DOCK11: variants seen among roughly 807,000 people sequenced by gnomAD.
DOCK11 encodes dedicator of cytokinesis 11, also known as dedicator of cytokinesis protein 11.
A neutral mutation model predicts 169.1 loss-of-function variants in DOCK11; 70 were observed. The ratio of observed to expected loss-of-function variants is 0.41; its 90% CI spans 0.34 to 0.51. DOCK11 has a LOEUF of 0.51. Among genes scored for constraint, DOCK11 ranks in the 20% least tolerant of loss-of-function variants. The probability of loss-of-function intolerance (pLI) is 0.10; values close to 1 mark genes in which losing one functional copy is unlikely to be tolerated. For missense variants in DOCK11, 1,166 were observed against 1,538.8 expected (o/e 0.76, Z 4.05); for synonymous variants, 529 against 541.3 (o/e 0.98, Z 0.32).
chrX:118,667,943 A>G (rs2016376688), intron 45 of DOCK11, among the ~76,000 whole-genome samples: 1 of 112,264 alleles, frequency 8.9e-6, no homozygotes, highest in African/African-American at 3.2e-5. Flanking sequence ...TGTTGCTAGT[A>G]TATAGAAATA....
chrX:118,676,810 C>G, intron 48 of DOCK11, 73 bp downstream of exon 48: 2 of 938,298 alleles, frequency 2.1e-6, no homozygotes, highest in African/African-American at 3.9e-5. Flanking sequence ...TGACTTTTTC[C>G]TTTTTTAACT....
intron 31 of DOCK11, among the ~76,000 whole-genome samples, chrX:118,619,775 C>T (rs1274926884): frequency 9.2e-6 from 1 of 108,625 alleles, no homozygotes; most frequent in Non-Finnish European, 1.9e-5. Flanking sequence ...CTATGAGTAA[C>T]GGTCACAGCT....
intron 6 of DOCK11, among the ~76,000 whole-genome samples, chrX:118,553,974 C>G (rs963940081): frequency 9.9e-5 from 11 of 111,672 alleles, no homozygotes; most frequent in Non-Finnish European, 2.1e-4. Context: ...TATTGGGTAT[C>G]AACAAATTCA....
intron 6 of DOCK11, among the ~76,000 whole-genome samples, chrX:118,554,192 TTAA>T (rs1373970532): frequency 3.6e-5 from 4 of 111,426 alleles, no homozygotes; most frequent in African/African-American, 1.3e-4. Context: ...GAATGCCTTG[TTAA>T]TACAAGGTAT....
chrX:118,617,257 C>T (rs1164416846), intron 30 of DOCK11, among the ~76,000 whole-genome samples: 6 of 110,818 alleles, frequency 5.4e-5, no homozygotes, highest in Admixed American at 3.9e-4. Flanking sequence ...TTTGGGAGGC[C>T]GAGGCGGGTG....
At chrX:118,674,269 G>A (rs761379294) in intron 46 of DOCK11, among the ~76,000 whole-genome samples, 5 of 110,853 alleles carry the variant, frequency 4.5e-5, no homozygotes, top group Non-Finnish European at 9.5e-5. Flanking sequence ...TCACACCTCA[G>A]CCTCCCAAGT....
chrX:118,535,599 C>T lies in DOCK11; in HGVS notation c.103-7126C>T, dbSNP rs139463712. Among the ~76,000 whole-genome samples the T allele has an allele frequency of 1.1e-3, 124 of 110,964 alleles. No homozygotes were observed. The East Asian group carries it at 0.019, about 17-fold the overall frequency. ...AAAGACAATAAGGGCTGTTGGGGAG[C>T]GAGGAGGGCTATGCTATCATAAGAA... On this transcript the variant is annotated intron_variant, in intron 1 of 52. Coordinates refer to ENST00000276202, the MANE Select transcript of DOCK11 (RefSeq NM_144658.4).
At chrX:118,574,150 T>C in intron 12 of DOCK11, 132 bp downstream of exon 12, 1 of 708,974 alleles carries the variant, frequency 1.4e-6, no homozygotes, top group Non-Finnish European at 2.0e-6. Context: ...TAGAGATTTT[T>C]CTGGTTACTG....
intron 1 of DOCK11, among the ~76,000 whole-genome samples, chrX:118,526,908 A>C (rs1370980922): frequency 8.9e-6 from 1 of 112,130 alleles, no homozygotes; most frequent in Non-Finnish European, 1.9e-5. Flanking sequence ...CTCAATAGTG[A>C]AATATGTAAG....
Position 118,667,874 on chromosome X carries a change from T to C in DOCK11, c.5077-3149T>C, listed in dbSNP as rs142401805. On this transcript the variant is annotated intron_variant, in intron 45 of 52. Transcript: ENST00000276202. Reference sequence around the variant, plus strand: ...GTTAGATTTACTGGTAGATATGTGATGTTTTGATGCTATTGTAAATAATAT... The same window carrying C: ...GTTAGATTTACTGGTAGATATGTGACGTTTTGATGCTATTGTAAATAATAT... Among the ~76,000 whole-genome samples the C allele has an allele frequency of 7.5e-3, 844 of 111,844 alleles. 6 individuals carry two copies. The highest frequency in any genetic ancestry group is 0.026 in the African/African-American group (791 of 30,868).
intron 45 of DOCK11, among the ~76,000 whole-genome samples, chrX:118,663,527 G>C (rs1480022417): frequency 9.0e-6 from 1 of 110,548 alleles, no homozygotes; most frequent in Non-Finnish European, 1.9e-5. Flanking sequence ...GAAAGTGTAA[G>C]ACATGTTTGA....
chrX:118,647,477 A>T (rs2015709046), intron 40 of DOCK11, among the ~76,000 whole-genome samples: 1 of 78,628 alleles, frequency 1.3e-5, no homozygotes, highest in Admixed American at 2.0e-4. Context: ...AATTACTTTT[A>T]TATATATTAT....
chrX:118,570,940 ATCT>A (rs752935401), intron 10 of DOCK11, among the ~76,000 whole-genome samples: 1 of 111,977 alleles, frequency 8.9e-6, no homozygotes, highest in South Asian at 3.7e-4. Context: ...CACACCCAAT[ATCT>A]TCTTCTTAAA....
chrX:118,573,677 T>C (rs1216407697), intron 11 of DOCK11, 129 bp from the exon 12 acceptor site: 42 of 511,530 alleles, frequency 8.2e-5, no homozygotes, highest in Non-Finnish European at 1.3e-4. Context: ...TTTAGCTAAG[T>C]GTTGAACTCA....
intron 1 of DOCK11, among the ~76,000 whole-genome samples, chrX:118,529,694 G>A (rs1163687640): frequency 8.9e-6 from 1 of 111,759 alleles, no homozygotes; most frequent in Non-Finnish European, 1.9e-5. Flanking sequence ...CTGGGATGGC[G>A]AAGGAAGCGT....
At chrX:118,558,016 C>G (rs2072027342) in intron 6 of DOCK11, among the ~76,000 whole-genome samples, 1 of 102,192 alleles carries the variant, frequency 9.8e-6, no homozygotes. Context: ...GCTGTCTCGC[C>G]CAGGCTGGAG....
In DOCK11 at chrX:118,680,694, T is replaced by C. The variant is rs193292169; in HGVS notation, c.5671+2T>C. The C allele has an allele frequency of 6.9e-6, 8 of 1,160,312 alleles. No homozygotes were observed. On this transcript the variant is annotated splice_donor_variant, in intron 49 of 52. Transcript: ENST00000276202. LOFTEE classifies it high-confidence loss of function. The stretch of plus-strand genomic sequence containing the variant: ...GCAAACGCCGTACAATCTTGACAAG[T>C]AAGTACAATTTTACATATTAACTTC...
chrX:118,568,217 C>T, intron 10 of DOCK11, 55 bp downstream of exon 10: 2 of 749,284 alleles, frequency 2.7e-6, no homozygotes, highest in Non-Finnish European at 3.8e-6. Flanking sequence ...TTCAGATAAA[C>T]AACATCTTTG....
intron 1 of DOCK11, among the ~76,000 whole-genome samples, chrX:118,529,500 A>G (rs1371718247): frequency 8.9e-6 from 1 of 112,346 alleles, no homozygotes; most frequent in African/African-American, 3.2e-5. Context: ...TGTAAGAGGC[A>G]GAAAATCTTA....
Sources: gnomAD v4.1 joint callset for allele counts (sites outside exome capture counted in the v4.1 genomes callset) on GRCh38, gnomAD v4.1.1 for gene constraint, MANE v1.5 for transcripts, NCBI Gene and HGNC (gene_info 2026-07-23, HGNC 2026-07-21) for gene names.